Variants in ECE1 observed in about 807,000 individuals in gnomAD.
ECE1 encodes the protein endothelin converting enzyme 1.
Under a neutral mutation model 98.6 loss-of-function variants are expected in ECE1, and 35 were observed. That is an observed-to-expected ratio of 0.35 (90% CI 0.27 to 0.47). The LOEUF (loss-of-function observed/expected upper bound fraction) is 0.47. Ranked by LOEUF, ECE1 falls within the 20% of genes least tolerant of loss-of-function variation. The probability of loss-of-function intolerance (pLI) is 1.00; values close to 1 mark genes in which losing one functional copy is unlikely to be tolerated. For missense variants in ECE1, 814 were observed against 1,025.3 expected (o/e 0.79, Z 2.81); for synonymous variants, 394 against 407.1 (o/e 0.97, Z 0.39).
At chr1:21,318,925 C>A (rs1049722032) in intron 1 of ECE1, among the ~76,000 whole-genome samples, 2 of 152,186 alleles carry the variant, frequency 1.3e-5, no homozygotes, top group Non-Finnish European at 2.9e-5. Context: ...GAGGCAGATG[C>A]GAAGGAATAC....
intron 10 of ECE1, among the ~76,000 whole-genome samples, chr1:21,239,150 G>C (rs908108394): frequency 2.0e-5 from 3 of 152,112 alleles, no homozygotes; most frequent in African/African-American, 7.2e-5. Context: ...GGATTGCAAT[G>C]CCTTGATTCT....
At chr1:21,342,468 C>T (rs923720936) in intron 1 of ECE1, among the ~76,000 whole-genome samples, 1 of 152,092 alleles carries the variant, frequency 6.6e-6, no homozygotes, top group African/African-American at 2.4e-5. Flanking sequence ...CAGGGGGAGA[C>T]GGTCCATCCG....
In ECE1 at chr1:21,290,339, G is replaced by A. The variant is rs1295798133; in HGVS notation, c.51+25C>T. 6 of 852,240 alleles carry A rather than the reference G, an allele frequency of 7.0e-6. No individual in the cohort carries two copies. In the African/African-American group the frequency reaches 1.1e-4, roughly 16 times the overall value. The allele number at this position is 852,240 out of a possible 1,614,324, so 52.8% of individuals were successfully genotyped here. On this transcript the variant is annotated intron_variant, in intron 1 of 18. Coordinates refer to ENST00000374893, the MANE Select transcript of ECE1 (RefSeq NM_001397.3). This position sits in a 1 kb window ranked among gnomAD's most constrained non-coding sequence, Gnocchi z 7.3. The stretch of plus-strand genomic sequence containing the variant: ...GGGGTCCCGCCCGCCTCCCGCCCCC[G>A]CCCTCCAGGCCGCGCCCGCCTCACC...
At chr1:21,273,390 TG>T (rs2098242862) in intron 3 of ECE1, among the ~76,000 whole-genome samples, 2 of 148,696 alleles carry the variant, frequency 1.3e-5, no homozygotes, top group South Asian at 4.2e-4. Flanking sequence ...TGTAGGGTAC[TG>T]GGGTATTGGG....
intron 14 of ECE1, among the ~76,000 whole-genome samples, chr1:21,229,092 C>T (rs903040867): frequency 5.3e-5 from 8 of 152,038 alleles, no homozygotes; most frequent in African/African-American, 1.4e-4. Flanking sequence ...CCGCCTGCCT[C>T]GGCCTCCCAA....
rs12121493 is a variant in ECE1 at position 21,323,619 on chromosome 1, G to A, written c.3+21757C>T. On this transcript the variant is annotated intron_variant, in intron 1 of 18. Coordinates refer to the ECE1 transcript ENST00000415912. ...AGCTTGGGTAACGGAGTGGCACCCC[G>A]TCCCAAAAAACTAAAAATAAAATAA... Among the ~76,000 whole-genome samples, 1,125 of 146,558 alleles carry A rather than the reference G, an allele frequency of 7.7e-3. 8 individuals are homozygous for A. Among genetic ancestry groups the A allele is most frequent in the African/African-American group, 0.02 (768 of 38,230 alleles).
At chr1:21,264,125 T>C (rs1251327050) in intron 4 of ECE1, among the ~76,000 whole-genome samples, 2 of 152,034 alleles carry the variant, frequency 1.3e-5, no homozygotes, top group Admixed American at 1.3e-4. Context: ...AACCGCAGCC[T>C]GAGGATGAGG....
rs950340488 is a variant in ECE1, at chr1:21,227,975, C to G, written c.1737G>C (p.Pro579=). ...YSPTKNEIVF[P]AGILQAPFYT... ...AGAATGGTGCCTGCAGGATCCCGGCCGGAAACACAATCTCATTCTTGGTGG... is the reference window on the plus strand; with the variant it reads ...AGAATGGTGCCTGCAGGATCCCGGCGGGAAACACAATCTCATTCTTGGTGG... Residue 579 remains proline (P), a synonymous_variant, in exon 15 of 19, where the codon CCG becomes CCC. Transcript: ENST00000374893. 1.3e-6 allele frequency: 2 copies of G among 1,561,030 alleles called. No homozygotes were observed. Among genetic ancestry groups the G allele is most frequent in the African/African-American group, 2.7e-5 (2 of 73,358 alleles).
intron 2 of ECE1, among the ~76,000 whole-genome samples, chr1:21,283,668 T>G (rs1470337080): frequency 6.6e-6 from 1 of 152,110 alleles, no homozygotes. Context: ...GAGAGAACAG[T>G]GAGGCAACCC....
At chr1:21,323,632 AAAAATAAAATAAAATAAAAT>A (rs58201460) in intron 1 of ECE1, among the ~76,000 whole-genome samples, 19,568 of 149,464 alleles carry the variant, frequency 0.13, 1,586 homozygotes, top group East Asian at 0.37. Context: ...CCAAAAAACT[AAAAATAAAATAAAATAAAAT>A]AAAATAAAAT....
intron 1 of ECE1, among the ~76,000 whole-genome samples, chr1:21,323,516 T>C (rs1639007370): frequency 6.6e-6 from 1 of 152,244 alleles, no homozygotes; most frequent in Non-Finnish European, 1.5e-5. Flanking sequence ...CCCAGCACTT[T>C]GGAAGGCTGA....
In ECE1 at chr1:21,340,520, C is replaced by T. The variant is rs535427158; in HGVS notation, c.3+4856G>A. Reference sequence around the variant, plus strand: ...CTGTGACCATCTCAGAATGCAAATCCGACCGTGTCACTCCCCTGACTCTAA... The same window carrying T: ...CTGTGACCATCTCAGAATGCAAATCTGACCGTGTCACTCCCCTGACTCTAA... On this transcript the variant is annotated intron_variant, in intron 1 of 18. Coordinates refer to the ECE1 transcript ENST00000415912. This position sits in a 1 kb window ranked among gnomAD's most constrained non-coding sequence, Gnocchi z 4.6. Among the ~76,000 whole-genome samples the T allele has an allele frequency of 9.8e-5, 15 of 152,330 alleles. No homozygotes were observed. In the South Asian group the frequency reaches 1.2e-3, roughly 13 times the overall value.
chr1:21,339,444 G>A (rs536592255), intron 1 of ECE1, among the ~76,000 whole-genome samples: 2 of 152,102 alleles, frequency 1.3e-5, no homozygotes, highest in South Asian at 2.1e-4. Flanking sequence ...TAGAGGAATC[G>A]GGGAGCCACT....
At chr1:21,285,176 A>C (rs1241053032) in intron 2 of ECE1, among the ~76,000 whole-genome samples, 1 of 152,200 alleles carries the variant, frequency 6.6e-6, no homozygotes, top group Non-Finnish European at 1.5e-5. Flanking sequence ...ACAGCTTAAA[A>C]TATGATCCGT....
At position 21,264,419 on chromosome 1, in the gene ECE1, A is replaced by T. The variant is rs1025364900; in HGVS notation, c.494-4027T>A. Among the ~76,000 whole-genome samples, 4 of 148,276 alleles carry T rather than the reference A, an allele frequency of 2.7e-5. No individual in the cohort carries two copies. In the Admixed American group the frequency reaches 2.7e-4, roughly 10 times the overall value. On this transcript the variant is annotated intron_variant, in intron 4 of 18. Transcript: ENST00000374893. ...AACCTCCGTCTCCTGGGTTCAAGTG[A>T]TTCTCCTGCCTCAGCCTCCCGAGTA...
intron 16 of ECE1, among the ~76,000 whole-genome samples, chr1:21,226,621 A>G (rs866968588): frequency 1.3e-5 from 2 of 152,102 alleles, no homozygotes; most frequent in Admixed American, 6.6e-5. Flanking sequence ...CCTCAAACTC[A>G]TGGGCTCAAG....
At chr1:21,288,442 G>A (rs960612367) in intron 2 of ECE1, among the ~76,000 whole-genome samples, 3 of 152,238 alleles carry the variant, frequency 2.0e-5, no homozygotes, top group African/African-American at 4.8e-5. Context: ...CGTGAGTGGA[G>A]TAAGAACTCA....
At chr1:21,257,795 G>C (rs1197265868) in intron 6 of ECE1, among the ~76,000 whole-genome samples, 1 of 142,376 alleles carries the variant, frequency 7.0e-6, no homozygotes, top group Non-Finnish European at 1.6e-5. Context: ...GCCCCCCCCC[G>C]CAGGGCTCCT....
intron 10 of ECE1, among the ~76,000 whole-genome samples, chr1:21,239,403 A>T (rs983997625): frequency 6.6e-6 from 1 of 152,208 alleles, no homozygotes; most frequent in Non-Finnish European, 1.5e-5. Flanking sequence ...ACCCCAAAGA[A>T]CAGGTGGTTA....
Sources: allele counts gnomAD v4.1 joint callset (sites outside exome capture counted in the v4.1 genomes callset), GRCh38; gene constraint gnomAD v4.1.1; non-coding constraint Gnocchi (gnomAD v3.1); transcripts MANE v1.5; gene names NCBI Gene and HGNC (gene_info 2026-07-23, HGNC 2026-07-21).